The following PARN variants were observed in gnomAD, a reference collection of about 807,000 sequenced individuals.
PARN encodes the protein poly(A)-specific ribonuclease, also known as poly(A)-specific ribonuclease PARN.
A neutral mutation model predicts 102.8 loss-of-function variants in PARN; 71 were observed. The ratio of observed to expected loss-of-function variants is 0.69; its 90% CI spans 0.57 to 0.84. The LOEUF is 0.84. PARN is among the 40% of genes least tolerant of loss of function. The pLI is 0.00. For missense variants in PARN, 782 were observed against 760.9 expected, an observed-to-expected ratio of 1.03 and a Z score of -0.33; for synonymous variants, 261 against 252.9, an observed-to-expected ratio of 1.03 and a Z score of -0.30.
intron 23 of PARN, among the ~76,000 whole-genome samples, chr16:14,443,109 G>C (rs543097212): frequency 1.3e-5 from 2 of 152,232 alleles, no homozygotes; most frequent in South Asian, 4.1e-4. Context: ...GCACCTTACT[G>C]CATGTTTAAA....
intron 21 of PARN, among the ~76,000 whole-genome samples, chr16:14,511,534 C>T (rs1965189603): frequency 6.6e-6 from 1 of 151,998 alleles, no homozygotes; most frequent in Non-Finnish European, 1.5e-5. Flanking sequence ...CAATACATCA[C>T]ACATAATATA....
intron 22 of PARN, among the ~76,000 whole-genome samples, chr16:14,474,344 T>C (rs775705849): frequency 1.3e-5 from 2 of 152,192 alleles, no homozygotes; most frequent in African/African-American, 2.4e-5. Context: ...TATTGTAGCG[T>C]CATAAAGAGC....
At chr16:14,459,474 T>C (rs1314605181) in intron 22 of PARN, among the ~76,000 whole-genome samples, 1 of 152,088 alleles carries the variant, frequency 6.6e-6, no homozygotes, top group Non-Finnish European at 1.5e-5. Flanking sequence ...TATGCAAAAT[T>C]TGCATGCTGA....
intron 21 of PARN, among the ~76,000 whole-genome samples, chr16:14,504,512 T>C (rs1964786529): frequency 6.6e-6 from 1 of 152,074 alleles, no homozygotes; most frequent in African/African-American, 2.4e-5. Context: ...TGAGCAGAGA[T>C]TGCGCCATTG....
At chr16:14,555,329 A>C (rs1159738590) in intron 19 of PARN, among the ~76,000 whole-genome samples, 2 of 152,242 alleles carry the variant, frequency 1.3e-5, no homozygotes, top group Non-Finnish European at 2.9e-5. Context: ...TTACCAAGAT[A>C]ACTGACAGCT....
chr16:14,526,317 C>T (rs1438770434), intron 21 of PARN, among the ~76,000 whole-genome samples: 5 of 152,000 alleles, frequency 3.3e-5, no homozygotes, highest in African/African-American at 1.2e-4. Flanking sequence ...GCTGGGACTA[C>T]AGGTGCCTGC....
At chr16:14,571,673 C>T (rs1234006460) in intron 18 of PARN, among the ~76,000 whole-genome samples, 2 of 152,198 alleles carry the variant, frequency 1.3e-5, no homozygotes, top group Non-Finnish European at 1.5e-5. Flanking sequence ...ACAGCAGTGA[C>T]AGCAGTGAGA....
intron 21 of PARN, among the ~76,000 whole-genome samples, chr16:14,507,727 G>T (rs1292193454): frequency 2.0e-5 from 3 of 152,078 alleles, no homozygotes; most frequent in African/African-American, 7.2e-5. Flanking sequence ...TTTCCCATTT[G>T]CAGCTCTTTC....
intron 23 of PARN, among the ~76,000 whole-genome samples, chr16:14,443,672 ATT>A (rs1961057761): frequency 6.6e-6 from 1 of 152,206 alleles, no homozygotes; most frequent in South Asian, 2.1e-4. Flanking sequence ...TTTGTGTGGT[ATT>A]TGTTGAGCAT....
chr16:14,603,869 A>C (rs986588129), intron 11 of PARN, among the ~76,000 whole-genome samples: 2 of 152,236 alleles, frequency 1.3e-5, no homozygotes. Context: ...AGTGACACTC[A>C]GTGACACAAG....
Position 14,552,011 on chromosome 16 carries a change from A to G in PARN, c.1480+10T>C. 1.9e-6 allele frequency: 3 copies of G among 1,598,604 alleles called. No individual in the cohort carries two copies. The highest frequency in any genetic ancestry group is 2.6e-6 in the Non-Finnish European group (3 of 1,166,726). The stretch of plus-strand genomic sequence containing the variant: ...ATTTAATACACAAAACAGAAATCCA[A>G]AACACTTACCAATCTTTACTTGCTC... On this transcript the variant is annotated intron_variant, in intron 21 of 23. Coordinates refer to ENST00000437198, the MANE Select transcript of PARN (RefSeq NM_002582.4).
At chr16:14,447,936 TTTTATCTA>T (rs1263291629) in intron 22 of PARN, among the ~76,000 whole-genome samples, 1 of 136,116 alleles carries the variant, frequency 7.3e-6, no homozygotes, top group Non-Finnish European at 1.6e-5. Flanking sequence ...TACTTTTAAA[TTTTATCTA>T]TCTATCTATC....
chr16:14,468,801 G>A (rs958717321), intron 22 of PARN, among the ~76,000 whole-genome samples: 5 of 151,970 alleles, frequency 3.3e-5, no homozygotes, highest in African/African-American at 1.2e-4. Context: ...TAGCTGCTTG[G>A]GAGGCTGAGG....
At chr16:14,543,291 C>T (rs186511167) in intron 21 of PARN, among the ~76,000 whole-genome samples, 9 of 152,180 alleles carry the variant, frequency 5.9e-5, no homozygotes, top group Admixed American at 5.2e-4. Flanking sequence ...CAGCTGCCAA[C>T]CAAACCATCA....
chr16:14,553,114 A>C (rs142597448), intron 20 of PARN, among the ~76,000 whole-genome samples: 50 of 151,752 alleles, frequency 3.3e-4, no homozygotes, highest in African/African-American at 1.2e-3. Context: ...ATCAATTTAA[A>C]AAAAAAGATA....
intron 21 of PARN, among the ~76,000 whole-genome samples, chr16:14,497,512 T>C (rs1567323392): frequency 6.6e-6 from 1 of 152,156 alleles, no homozygotes; most frequent in Non-Finnish European, 1.5e-5. Flanking sequence ...AGACAACACT[T>C]TTGGACCTAG....
At chr16:14,494,549 TGAGGTGACTCATCTGAGA>T (rs1476378293) in intron 21 of PARN, among the ~76,000 whole-genome samples, 2 of 152,138 alleles carry the variant, frequency 1.3e-5, no homozygotes, top group Non-Finnish European at 2.9e-5. Context: ...AGGAATATGA[TGAGGTGACTCATCTGAGA>T]GAGGAACACA....
intron 22 of PARN, among the ~76,000 whole-genome samples, chr16:14,455,437 C>T (rs1423158816): frequency 1.3e-5 from 2 of 152,190 alleles, no homozygotes; most frequent in African/African-American, 2.4e-5. Context: ...CTTTACATTT[C>T]TCCTGTAAAA....
At chr16:14,556,664 T>C (rs1032772749) in intron 18 of PARN, among the ~76,000 whole-genome samples, 81 of 152,230 alleles carry the variant, frequency 5.3e-4, no homozygotes, top group African/African-American at 1.9e-3. Flanking sequence ...AGAGCTGTCG[T>C]GTTAGTCCAA....
Sources: allele counts gnomAD v4.1 joint callset (sites outside exome capture counted in the v4.1 genomes callset), GRCh38; gene constraint gnomAD v4.1.1; transcripts MANE v1.5; gene names NCBI Gene and HGNC (gene_info 2026-07-23, HGNC 2026-07-21).